The following TWIST2 variants were observed in gnomAD, a reference collection of about 807,000 sequenced individuals.
TWIST2 encodes twist-related protein 2.
Under a neutral mutation model 11.6 loss-of-function variants are expected in TWIST2, and 1 was observed. That is an observed-to-expected ratio of 0.09 (90% CI 0.03 to 0.41). The LOEUF is 0.41. TWIST2 is among the 10% of genes least tolerant of loss of function. The pLI is 0.98. For synonymous variants in TWIST2, 87 were observed against 96.6 expected (o/e 0.90, Z 0.58); for missense variants, 168 against 226.4 (o/e 0.74, Z 1.66).
chr2:238,872,911 G>A (rs1263535068), intron 1 of TWIST2, among the ~76,000 whole-genome samples: 1 of 152,172 alleles, frequency 6.6e-6, no homozygotes, highest in African/African-American at 2.4e-5. Context: ...CTGAGTCCTG[G>A]CTGTTTGCAG....
intron 1 of TWIST2, chr2:238,886,737 TC>T (rs1693045861): frequency 6.6e-6 from 1 of 151,998 alleles, no homozygotes; most frequent in South Asian, 2.1e-4. Flanking sequence ...GGGGCTCTGT[TC>T]TCACCACAGA....
Position 238,863,161 on chromosome 2 carries a change from G to C in TWIST2, c.*35+14428G>C, listed in dbSNP as rs1692464329. ...ATAGTGTGGCAGGCACATGCTGACC[G>C]ACCCTCCCTCCAGAGAAGGGCAACT... On this transcript the variant is annotated intron_variant, in intron 1 of 1. Coordinates refer to ENST00000612363, the MANE Select transcript of TWIST2 (RefSeq NM_001271893.4). This position sits in a 1 kb window ranked among gnomAD's most constrained non-coding sequence, Gnocchi z 4.7. Among the ~76,000 whole-genome samples, 1 of 151,804 alleles carries C rather than the reference G, an allele frequency of 6.6e-6. No homozygotes were observed. The highest frequency in any genetic ancestry group is 1.5e-5 in the Non-Finnish European group (1 of 67,996).
At chr2:238,856,642 T>C (rs929589948) in intron 1 of TWIST2, among the ~76,000 whole-genome samples, 1 of 152,210 alleles carries the variant, frequency 6.6e-6, no homozygotes, top group African/African-American at 2.4e-5. Context: ...GACTCAGGTC[T>C]CTTAAGAATA....
intron 1 of TWIST2, among the ~76,000 whole-genome samples, chr2:238,880,520 GTTAGTA>G (rs1405312697): frequency 2.1e-5 from 2 of 93,532 alleles, no homozygotes; most frequent in Non-Finnish European, 4.2e-5. Context: ...GTATTAGTGT[GTTAGTA>G]TTGGTATTAG....
chr2:238,886,349 G>A (rs1693036776), intron 1 of TWIST2, among the ~76,000 whole-genome samples: 1 of 150,224 alleles, frequency 6.7e-6, no homozygotes, highest in Admixed American at 6.7e-5. Context: ...AGACTGTTTG[G>A]GGAAAAAGTG....
intron 1 of TWIST2, among the ~76,000 whole-genome samples, chr2:238,851,449 G>C (rs929082317): frequency 1.3e-5 from 2 of 152,172 alleles, no homozygotes; most frequent in Admixed American, 1.3e-4. Flanking sequence ...CTTGGAGGGT[G>C]GGGGAAGGTG....
chr2:238,897,153 C>A (rs1446586153), intron 1 of TWIST2, among the ~76,000 whole-genome samples: 1 of 152,366 alleles, frequency 6.6e-6, no homozygotes, highest in East Asian at 1.9e-4. Flanking sequence ...AATCCTCCAA[C>A]GCCCCCTTTG....
At chr2:238,902,789 G>A in intron 1 of TWIST2, among the ~76,000 whole-genome samples, 1 of 147,894 alleles carries the variant, frequency 6.8e-6, no homozygotes, top group East Asian at 2.1e-4. Flanking sequence ...GTGATGTGGG[G>A]TGTTGTGATG....
At chr2:238,855,525 G>A (rs2106349665) in intron 1 of TWIST2, among the ~76,000 whole-genome samples, 1 of 152,322 alleles carries the variant, frequency 6.6e-6, no homozygotes, top group Non-Finnish European at 1.5e-5. Context: ...GAAGCTAGGA[G>A]AGAAAGATGT....
intron 1 of TWIST2, among the ~76,000 whole-genome samples, chr2:238,895,966 G>A (rs1332376260): frequency 6.6e-6 from 1 of 152,222 alleles, no homozygotes; most frequent in Non-Finnish European, 1.5e-5. Context: ...CCAAGCTGAG[G>A]GAGAGAGACA....
rs748028063 is a variant in TWIST2, at chr2:238,863,981, C to G, written c.*35+15248C>G. On this transcript the variant is annotated intron_variant, in intron 1 of 1. Coordinates refer to ENST00000612363, the MANE Select transcript of TWIST2 (RefSeq NM_001271893.4). The surrounding 1 kb of genome is among the most constrained non-coding windows in gnomAD (Gnocchi z 4.7). Reference sequence around the variant, plus strand: ...GCACCAGGCGGCACCTCCCCAGAGGCTGGAGACCAACCAGGCACAGAATCT... The same window carrying G: ...GCACCAGGCGGCACCTCCCCAGAGGGTGGAGACCAACCAGGCACAGAATCT... Among the ~76,000 whole-genome samples the G allele has an allele frequency of 2.0e-5, 3 of 152,212 alleles. No homozygotes were observed. The highest frequency in any genetic ancestry group is 4.4e-5 in the Non-Finnish European group (3 of 68,034).
chr2:238,849,462 C>G (rs1036409496), intron 1 of TWIST2, among the ~76,000 whole-genome samples: 28 of 152,300 alleles, frequency 1.8e-4, no homozygotes, highest in Non-Finnish European at 3.4e-4. Context: ...GCGGGTCCGA[C>G]GCAGCCGCGC....
chr2:238,889,204 G>A (rs1246292179), intron 1 of TWIST2, among the ~76,000 whole-genome samples: 5 of 152,160 alleles, frequency 3.3e-5, no homozygotes, highest in African/African-American at 9.7e-5. Context: ...ACTGAATTCT[G>A]AATCGTGGAC....
chr2:238,905,878 TGC>T lies in TWIST2; in HGVS notation c.*36-3963_*36-3962del, dbSNP rs1481737737. On this transcript the variant is annotated intron_variant, in intron 1 of 1. Transcript: ENST00000612363. Reference sequence around the variant, plus strand: ...GTGCGTGTGTGTGCGTGCGTGTGTGTGCATGTGCGCGCATGCGCGTGTGTGCG... The same window carrying T: ...GTGCGTGTGTGTGCGTGCGTGTGTGTATGTGCGCGCATGCGCGTGTGTGCG... Among the ~76,000 whole-genome samples, 72 of 147,354 alleles carry T rather than the reference TGC, an allele frequency of 4.9e-4. No homozygotes were observed. In the East Asian group the frequency reaches 8.3e-3, roughly 17 times the overall value.
intron 1 of TWIST2, among the ~76,000 whole-genome samples, chr2:238,858,730 C>G (rs905444931): frequency 2.6e-5 from 4 of 152,174 alleles, no homozygotes; most frequent in African/African-American, 9.7e-5. Context: ...GCCAATATAA[C>G]CCTGCAATTC....
At chr2:238,884,623 G>A (rs568123105) in intron 1 of TWIST2, among the ~76,000 whole-genome samples, 220 of 152,342 alleles carry the variant, frequency 1.4e-3, no homozygotes, top group African/African-American at 5.0e-3. Flanking sequence ...CTGCCAGGGG[G>A]CTGGGGCAGG....
chr2:238,897,496 C>T (rs932532840), intron 1 of TWIST2, among the ~76,000 whole-genome samples: 2 of 152,282 alleles, frequency 1.3e-5, no homozygotes, highest in South Asian at 2.1e-4. Flanking sequence ...ATGCCAGGCC[C>T]CACCAACCCA....
At chr2:238,855,699 A>G (rs1361425956) in intron 1 of TWIST2, among the ~76,000 whole-genome samples, 1 of 152,200 alleles carries the variant, frequency 6.6e-6, no homozygotes, top group Non-Finnish European at 1.5e-5. Context: ...TTCACTTTAT[A>G]AAAAAGTAAT....
chr2:238,896,086 C>T (rs1693203304), intron 1 of TWIST2, among the ~76,000 whole-genome samples: 1 of 152,140 alleles, frequency 6.6e-6, no homozygotes, highest in Non-Finnish European at 1.5e-5. Flanking sequence ...ACATTCCCAG[C>T]AGGATTCCTC....
Sources: allele counts gnomAD v4.1 joint callset (sites outside exome capture counted in the v4.1 genomes callset), GRCh38; gene constraint gnomAD v4.1.1; non-coding constraint Gnocchi (gnomAD v3.1); transcripts MANE v1.5; gene names NCBI Gene and HGNC (gene_info 2026-07-23, HGNC 2026-07-21).